The following SEPTIN12 variants were observed in gnomAD, a reference collection of about 807,000 sequenced individuals.
SEPTIN12 encodes septin-12.
In SEPTIN12, 42 loss-of-function variants were observed where a neutral mutation model predicts 37.7. The ratio of observed to expected loss-of-function variants is 1.11; its 90% CI spans 0.87 to 1.44. The LOEUF (loss-of-function observed/expected upper bound fraction) is 1.44. Ranked by LOEUF, SEPTIN12 falls within the 40% of genes most tolerant of loss-of-function variation. The pLI, the probability that SEPTIN12 is intolerant of heterozygous loss-of-function variation, is 0.00. For missense variants in SEPTIN12, 613 were observed against 479.2 expected, an observed-to-expected ratio of 1.28 and a Z score of -2.61; for synonymous variants, 254 against 196.7, an observed-to-expected ratio of 1.29 and a Z score of -2.44.
At chr16:4,779,877 C>T in intron 7 of SEPTIN12, 91 bp from the exon 8 acceptor site, 1 of 820,954 alleles carries the variant, frequency 1.2e-6, no homozygotes, top group Admixed American at 2.0e-5. Flanking sequence ...AGAGGGGAGT[C>T]CTATCCTTTT....
At chr16:4,781,431 G>A (rs754751140) in intron 7 of SEPTIN12, among the ~76,000 whole-genome samples, 8 of 151,532 alleles carry the variant, frequency 5.3e-5, no homozygotes, top group African/African-American at 1.9e-4. Flanking sequence ...ATACCTTTTA[G>A]CAATCACTCC....
At position 4,787,362 on chromosome 16, in the gene SEPTIN12, A is replaced by AT. The variant is rs1204343610; in HGVS notation, c.166+117dup. 5.5e-6 allele frequency: 5 copies of AT among 907,420 alleles called. No homozygotes were observed. In the Admixed American group the frequency reaches 8.6e-5, roughly 16 times the overall value. 56.2% of individuals were successfully genotyped at this position (907,420 alleles called of 1,614,324 possible). ...AATGACAACATCCCTGTGAGGTGCT[A>AT]TTATCAGGCCCACCTAAGAGATGGG... On this transcript the variant is annotated intron_variant, in intron 2 of 9. Coordinates refer to ENST00000268231, the MANE Select transcript of SEPTIN12 (RefSeq NM_144605.5).
upstream of SEPTIN12, among the ~76,000 whole-genome samples, chr16:4,790,818 GTAAA>G (rs113274697): frequency 3.7e-3 from 562 of 152,224 alleles, 6 homozygotes; most frequent in Non-Finnish European, 6.1e-3. Context: ...AAATAAGTAA[GTAAA>G]TAAATAAAGG....
At position 4,785,302 on chromosome 16, in the gene SEPTIN12, C is replaced by T. The variant is rs150277913; in HGVS notation, c.374+505G>A. The stretch of plus-strand genomic sequence containing the variant: ...GCTTGAACCCAGGAGGCAGAGGTTG[C>T]AGTGAGCCGAGATTGTGTCACTGCA... On this transcript the variant is annotated intron_variant, in intron 4 of 9. Coordinates refer to ENST00000268231, the MANE Select transcript of SEPTIN12 (RefSeq NM_144605.5). Among the ~76,000 whole-genome samples the T allele has an allele frequency of 3.4e-3, 521 of 151,304 alleles. 1 individual carries two copies. Among genetic ancestry groups the T allele is most frequent in the Non-Finnish European group, 4.0e-3 (269 of 67,908 alleles).
intron 2 of SEPTIN12, among the ~76,000 whole-genome samples, chr16:4,786,485 G>C (rs368012194): frequency 2.0e-4 from 30 of 151,842 alleles, no homozygotes; most frequent in African/African-American, 6.8e-4. Context: ...CTCCCAAGTA[G>C]CTGGGACTAC....
upstream of SEPTIN12, among the ~76,000 whole-genome samples, chr16:4,791,816 T>G (rs968241254): frequency 6.6e-6 from 1 of 151,902 alleles, no homozygotes; most frequent in African/African-American, 2.4e-5. Flanking sequence ...GCTTCCCGAG[T>G]AGCTGGGATT....
chr16:4,788,851 CTG>C (rs1381475242), upstream of SEPTIN12: 1 of 152,178 alleles, frequency 6.6e-6, no homozygotes, highest in Non-Finnish European at 1.5e-5. Context: ...CGCTCTGAGT[CTG>C]TGTGCTCACC....
rs1163319448 is a variant in SEPTIN12 at position 4,787,498 on chromosome 16, A to T, written c.148T>A (p.Phe50Ile). ...CACTCACCCACCACCATGATGTTGA[A>T]CTCAAACCCCATCTTCATAGCCTTG... is the stretch of plus-strand genomic sequence containing the variant. The part of the protein sequence containing the change: ...KIKAMKMGFE[F>I]NIMVVGQSGL... Residue 50 changes from phenylalanine (F) to isoleucine (I), a missense_variant, in exon 2 of 10, where the codon TTC becomes ATC. Phe to Ile is a conservative substitution (Grantham distance 21). Transcript: ENST00000268231. The T allele has an allele frequency of 6.2e-7, 1 of 1,612,906 alleles. No homozygotes were observed. Among genetic ancestry groups the T allele is most frequent in the African/African-American group, 1.3e-5 (1 of 74,926 alleles).
rs1160927052 is a variant in SEPTIN12, at chr16:4,778,910, C to T, written c.824-773G>A. ...ATCCCAGCACTTTGGGAGGCCGAGG[C>T]GGGCAGATCACGAGGTCAGGAGTTT... is the stretch of plus-strand genomic sequence containing the variant. On this transcript the variant is annotated intron_variant, in intron 8 of 9. Coordinates refer to ENST00000268231, the MANE Select transcript of SEPTIN12 (RefSeq NM_144605.5). Among the ~76,000 whole-genome samples, 7 of 151,238 alleles carry T rather than the reference C, an allele frequency of 4.6e-5. No homozygotes were observed. The South Asian group carries it at 1.0e-3, about 23-fold the overall frequency.
chr16:4,791,274 G>A (rs765066020), upstream of SEPTIN12, among the ~76,000 whole-genome samples: 23 of 152,170 alleles, frequency 1.5e-4, no homozygotes, highest in Non-Finnish European at 2.8e-4. Flanking sequence ...AGGTGCTCCC[G>A]GTGGTGTTGA....
intron 7 of SEPTIN12, among the ~76,000 whole-genome samples, 164 bp from the exon 8 acceptor site, chr16:4,779,950 G>A (rs2082355405): frequency 6.6e-6 from 1 of 151,978 alleles, no homozygotes; most frequent in Non-Finnish European, 1.5e-5. Flanking sequence ...AAGTCTAATT[G>A]GTGCCTCTGG....
intron 8 of SEPTIN12, among the ~76,000 whole-genome samples, chr16:4,778,365 A>G (rs1304503842): frequency 6.6e-6 from 1 of 152,224 alleles, no homozygotes; most frequent in Non-Finnish European, 1.5e-5. Context: ...TCCACCAATC[A>G]TTATTGTATT....
chr16:4,785,616 A>C, intron 4 of SEPTIN12, 191 bp downstream of exon 4: 1 of 567,584 alleles, frequency 1.8e-6, no homozygotes, highest in South Asian at 2.1e-5. Context: ...TCAACTAAAA[A>C]TACAAAAAAA....
chr16:4,786,178 C>T, intron 2 of SEPTIN12, 73 bp from the exon 3 acceptor site: 3 of 1,511,248 alleles, frequency 2.0e-6, no homozygotes, highest in Non-Finnish European at 2.7e-6. Context: ...CTTTACTTTT[C>T]TATTTTATTT....
chr16:4,791,729 C>A (rs549844867), upstream of SEPTIN12, among the ~76,000 whole-genome samples: 1 of 152,282 alleles, frequency 6.6e-6, no homozygotes, highest in South Asian at 2.1e-4. Context: ...ACTCTGTCAC[C>A]CAGGCTGGAG....
rs2082479717 is a variant in SEPTIN12 at position 4,787,645 on chromosome 16, TG to T, written c.-1del. 7 of 1,569,424 alleles carry T rather than the reference TG, an allele frequency of 4.5e-6. No individual in the cohort carries two copies. Among genetic ancestry groups the T allele is most frequent in the African/African-American group, 1.3e-5 (1 of 74,468 alleles). On this transcript the variant is annotated 5_prime_UTR_variant, in exon 2 of 10. Transcript: ENST00000268231. The stretch of plus-strand genomic sequence containing the variant: ...GAGGGGGAGCGCCTCAGGGGGTCCA[TG>T]GGGGCCAAGGGTTCGAGATGCCTGT...
rs144980623 is a variant in SEPTIN12 at position 4,785,015 on chromosome 16, G to T, written c.374+792C>A. On this transcript the variant is annotated intron_variant, in intron 4 of 9. Transcript: ENST00000268231. ...TAATCCCAGCACTTTGGGAGACTGA[G>T]GTGGGCGGACCACCCGAGGTCAGGA... is the stretch of plus-strand genomic sequence containing the variant. Among the ~76,000 whole-genome samples, 522 of 151,978 alleles carry T rather than the reference G, an allele frequency of 3.4e-3. 1 individual carries two copies. Among genetic ancestry groups the T allele is most frequent in the Non-Finnish European group, 4.0e-3 (270 of 67,958 alleles).
intron 7 of SEPTIN12, among the ~76,000 whole-genome samples, chr16:4,780,569 C>A (rs147121520): frequency 2.6e-5 from 4 of 152,156 alleles, no homozygotes; most frequent in African/African-American, 2.4e-5. Flanking sequence ...TGAACCCTAC[C>A]GTAAACTCCA....
Position 4,787,560 on chromosome 16 carries a change from G to A in SEPTIN12, c.86C>T (p.Pro29Leu). ...GTCCAGCACAGCCTCAATGCCCACA[G>A]GACCAAGCATCTCGCAGGGTGGGGT... The part of the protein sequence containing the change: ...PSTPPCEMLG[P>L]VGIEAVLDQL... The change falls in exon 2 of 10, where the codon CCT becomes CTT. Residue 29 changes from proline (P) to leucine (L), a missense_variant. Coordinates refer to ENST00000268231, the MANE Select transcript of SEPTIN12 (RefSeq NM_144605.5). 1.2e-6 allele frequency: 2 copies of A among 1,611,496 alleles called. No individual in the cohort carries two copies. Among genetic ancestry groups the A allele is most frequent in the Non-Finnish European group, 8.5e-7 (1 of 1,179,804 alleles).
Sources: allele counts gnomAD v4.1 joint callset (sites outside exome capture counted in the v4.1 genomes callset), GRCh38; gene constraint gnomAD v4.1.1; transcripts MANE v1.5; gene names NCBI Gene and HGNC (gene_info 2026-07-23, HGNC 2026-07-21).